Variants in VWA5B1 observed in about 807,000 individuals in gnomAD.
VWA5B1 encodes the protein von Willebrand factor A domain-containing protein 5B1.
Under a neutral mutation model 118.2 loss-of-function variants are expected in VWA5B1, and 115 were observed. The ratio of observed to expected loss-of-function variants is 0.97; its 90% CI spans 0.84 to 1.14. The LOEUF (loss-of-function observed/expected upper bound fraction) is 1.14, where lower values mean the gene tolerates loss of function less well. Among genes scored for constraint, VWA5B1 ranks in the 50% most tolerant of loss-of-function variants. VWA5B1 has a pLI of 0.00. For synonymous variants in VWA5B1, 682 were observed against 658.4 expected (o/e 1.04, Z -0.55); for missense variants, 1,596 against 1,603.8 (o/e 1.00, Z 0.08).
intron 1 of VWA5B1, chr1:20,303,262 C>T (rs921266452): frequency 6.6e-6 from 1 of 152,224 alleles, no homozygotes; most frequent in Non-Finnish European, 1.5e-5. Flanking sequence ...TCACAGTCTT[C>T]ATCTAGCCCA....
intron 3 of VWA5B1, 54 bp downstream of exon 3, chr1:20,313,042 G>A (rs2088898709): frequency 6.5e-7 from 1 of 1,533,804 alleles, no homozygotes; most frequent in South Asian, 1.2e-5. Flanking sequence ...GCCAGAGGCT[G>A]CCTGGGCTGG....
intron 1 of VWA5B1, among the ~76,000 whole-genome samples, chr1:20,299,150 C>T (rs760143633): frequency 5.9e-5 from 9 of 152,114 alleles, no homozygotes; most frequent in East Asian, 1.9e-4. Context: ...TGCAAAGTGT[C>T]GGGAACCTCT....
intron 1 of VWA5B1, among the ~76,000 whole-genome samples, chr1:20,296,117 C>T (rs1338859861): frequency 2.0e-5 from 3 of 152,182 alleles, no homozygotes; most frequent in Non-Finnish European, 4.4e-5. Context: ...CCCACCTCAG[C>T]CTCCCAAAGT....
At position 20,310,699 on chromosome 1, in the gene VWA5B1, C is replaced by T. The variant is rs773483397; in HGVS notation, c.98C>T (p.Ala33Val). The part of the protein sequence containing the change: ...CVSGYALGLT[A>V]SLTYGNLEAQ... ...AGCGGTTATGCCCTGGGCCTAACTG[C>T]CTCCCTCACCTATGGCAACCTGGAA... The change falls in exon 2 of 22, where the codon GCC becomes GTC. Residue 33 changes from alanine (A) to valine (V), a missense_variant. Coordinates refer to ENST00000289815, the MANE Select transcript of VWA5B1 (RefSeq NM_001039500.3). The T allele has an allele frequency of 2.0e-5, 31 of 1,550,620 alleles. No homozygotes were observed. The highest frequency in any genetic ancestry group is 2.6e-5 in the Non-Finnish European group (30 of 1,146,658).
Position 20,343,326 on chromosome 1 carries a change from C to A in VWA5B1, c.2559C>A (p.His853Gln). 6.5e-7 allele frequency: 1 copy of A among 1,543,962 alleles called. No individual in the cohort carries two copies. The highest frequency in any genetic ancestry group is 8.7e-7 in the Non-Finnish European group (1 of 1,145,504). Residue 853 changes from histidine (H) to glutamine (Q), a missense_variant, in exon 16 of 22, where the codon CAC (histidine) becomes CAA (glutamine). Physicochemically the swap from His to Gln is conservative, Grantham distance 24 (BLOSUM62 0). Transcript: ENST00000289815. Reference protein sequence around the residue: ...DADLWSETFHHLAARAIIRDF... With the variant: ...DADLWSETFHQLAARAIIRDF... The stretch of plus-strand genomic sequence containing the variant: ...ACCTATGGAGCGAGACCTTCCACCA[C>A]CTGGCGGCCCGCGCCATCATCCGCG...
chr1:20,350,070 C>T lies in VWA5B1; in HGVS notation c.2879-86C>T, dbSNP rs115840235. ...TGTTCCCCAACCCACCTGCAGACAC[C>T]GTGAATTAGACCATTGCTCTCCTGA... On this transcript the variant is annotated intron_variant, in intron 18 of 21. Coordinates refer to ENST00000289815, the MANE Select transcript of VWA5B1 (RefSeq NM_001039500.3). The T allele has an allele frequency of 1.2e-3, 1,625 of 1,376,296 alleles. 18 individuals carry two copies. In the African/African-American group the frequency reaches 0.02, roughly 17 times the overall value. 85.3% of individuals were successfully genotyped at this position (1,376,296 alleles called of 1,614,324 possible). A position where few individuals can be genotyped will look rare whatever the true frequency, so the allele number is the denominator to read the frequency against.
Position 20,354,079 on chromosome 1 carries a change from C to T in VWA5B1, c.3464C>T (p.Ser1155Phe), listed in dbSNP as rs2090184641. The T allele has an allele frequency of 1.3e-6, 2 of 1,551,468 alleles. No individual in the cohort carries two copies. The highest frequency in any genetic ancestry group is 1.7e-6 in the Non-Finnish European group (2 of 1,147,002). The stretch of plus-strand genomic sequence containing the variant: ...GCATGGCTGGAGCACAGTTCGGCCT[C>T]CTACTTCACTGAGTGGGAGTTGGTG... ...GLAWLEHSSA[S>F]YFTEWELVAA... The change falls in exon 22 of 22, where the codon TCC (serine) becomes TTC (phenylalanine). Residue 1155 changes from serine (S) to phenylalanine (F), a missense_variant. By Grantham distance (155) the Ser-to-Phe change is radical (BLOSUM62 -2). Coordinates refer to ENST00000289815, the MANE Select transcript of VWA5B1 (RefSeq NM_001039500.3).
At chr1:20,307,867 ATT>A (rs140283307) in intron 1 of VWA5B1, among the ~76,000 whole-genome samples, 9 of 145,282 alleles carry the variant, frequency 6.2e-5, no homozygotes, top group African/African-American at 1.5e-4. Flanking sequence ...ATGTGTGTGT[ATT>A]TTTTTTAAGA....
chr1:20,299,896 A>G (rs2100803020), intron 1 of VWA5B1, among the ~76,000 whole-genome samples: 1 of 152,322 alleles, frequency 6.6e-6, no homozygotes, highest in East Asian at 1.9e-4. Context: ...AGCCAGTGAG[A>G]GGTAGAGCCC....
At chr1:20,336,585 G>T in intron 13 of VWA5B1, 99 bp downstream of exon 13, 1 of 1,252,374 alleles carries the variant, frequency 8.0e-7, no homozygotes, top group South Asian at 3.3e-5. Flanking sequence ...AGCAGCTGCA[G>T]AGGTGGGTAC....
chr1:20,303,237 G>A (rs1458136602), intron 1 of VWA5B1: 1 of 152,238 alleles, frequency 6.6e-6, no homozygotes, highest in East Asian at 1.9e-4. Context: ...GGCAAGCCCA[G>A]AATTGCTTGT....
At chr1:20,324,916 T>C (rs1323269127) in intron 8 of VWA5B1, among the ~76,000 whole-genome samples, 1 of 152,206 alleles carries the variant, frequency 6.6e-6, no homozygotes, top group African/African-American at 2.4e-5. Context: ...TGAGAAGCTG[T>C]CCTCGGTGCT....
At chr1:20,329,762 T>C (rs556338940) in intron 9 of VWA5B1, among the ~76,000 whole-genome samples, 1 of 152,214 alleles carries the variant, frequency 6.6e-6, no homozygotes, top group South Asian at 2.1e-4. Context: ...GAAATGATTT[T>C]CTCAAAATGT....
chr1:20,353,710 T>C, intron 21 of VWA5B1, 47 bp from the exon 22 acceptor site: 1 of 1,443,106 alleles, frequency 6.9e-7, no homozygotes. Context: ...TATGGCTCCC[T>C]GGGCTAAAAC....
chr1:20,340,292 T>C (rs2089842105), intron 14 of VWA5B1, among the ~76,000 whole-genome samples: 1 of 152,154 alleles, frequency 6.6e-6, no homozygotes, highest in Non-Finnish European at 1.5e-5. Flanking sequence ...GTTACCAGCT[T>C]CTGTTGCTCT....
At chr1:20,349,130 T>C (rs1158837719) in intron 18 of VWA5B1, 1 of 404,934 alleles carries the variant, frequency 2.5e-6, no homozygotes, top group Non-Finnish European at 5.1e-6. Flanking sequence ...ATTGATGGGT[T>C]TTAAAACAAA....
Position 20,310,691 on chromosome 1 carries a change from C to A in VWA5B1, c.90C>A (p.Gly30=). Residue 30 remains glycine (G), a synonymous_variant, in exon 2 of 22, where the codon GGC becomes GGA. Transcript: ENST00000289815. ...CCTGTGTCAGCGGTTATGCCCTGGG[C>A]CTAACTGCCTCCCTCACCTATGGCA... ...VTSCVSGYAL[G]LTASLTYGNL... 2.6e-6 allele frequency: 4 copies of A among 1,551,016 alleles called. No individual in the cohort carries two copies. The highest frequency in any genetic ancestry group is 3.5e-6 in the Non-Finnish European group (4 of 1,146,770).
chr1:20,332,422 C>G lies in VWA5B1; in HGVS notation c.1573-344C>G, dbSNP rs1557427353. Among the ~76,000 whole-genome samples, 2 of 150,978 alleles carry G rather than the reference C, an allele frequency of 1.3e-5. 1 individual carries two copies. Among genetic ancestry groups the G allele is most frequent in the Non-Finnish European group, 2.9e-5 (2 of 67,910 alleles). Reference sequence around the variant, plus strand: ...CTGAACCCAAGAGGTGGATGTTGCACTGAGCCGAGATCATGCCACTGCACT... The same window carrying G: ...CTGAACCCAAGAGGTGGATGTTGCAGTGAGCCGAGATCATGCCACTGCACT... On this transcript the variant is annotated intron_variant, in intron 11 of 21. Transcript: ENST00000289815.
intron 2 of VWA5B1, 87 bp from the exon 3 acceptor site, chr1:20,312,749 G>A: frequency 7.1e-7 from 1 of 1,417,684 alleles, no homozygotes; most frequent in Non-Finnish European, 9.3e-7. Flanking sequence ...CACCCAACAG[G>A]CAGACCAAGG....
Sources: gnomAD v4.1 joint callset for allele counts (sites outside exome capture counted in the v4.1 genomes callset) on GRCh38, gnomAD v4.1.1 for gene constraint, MANE v1.5 for transcripts, NCBI Gene and HGNC (gene_info 2026-07-23, HGNC 2026-07-21) for gene names.